ARL9: variants seen among roughly 807,000 people sequenced by gnomAD.
ARL9 encodes the protein ADP-ribosylation factor-like protein 9.
In ARL9, 14 loss-of-function variants were observed where a neutral mutation model predicts 27.0. The observed-to-expected ratio is 0.52, with a 90% CI of 0.34 to 0.81. ARL9 has a LOEUF of 0.81. Among genes scored for constraint, ARL9 ranks in the 30% least tolerant of loss-of-function variants. ARL9 has a pLI of 0.01. For missense variants in ARL9, 294 were observed against 290.0 expected, an observed-to-expected ratio of 1.01 and a Z score of -0.10; for synonymous variants, 106 against 108.7, an observed-to-expected ratio of 0.98 and a Z score of 0.15.
At chr4:56,518,929 AG>A (rs1412135859) in intron 3 of ARL9, 76 bp downstream of exon 3, 12 of 1,321,292 alleles carry the variant, frequency 9.1e-6, no homozygotes, top group Non-Finnish European at 1.3e-5. Flanking sequence ...ATACCTAGAT[AG>A]TCAACAATAT....
rs58800903 is a variant in ARL9 at position 56,506,244 on chromosome 4, G to C, written c.279+103G>C. On this transcript the variant is annotated intron_variant, in intron 1 of 3. Transcript: ENST00000640821. ...GTCGGAGGCCCCCGACCGCGTGGGA[G>C]CGAATGGATCTCAACTGAGGGCTAT... 5.0e-4 allele frequency: 567 copies of C among 1,127,972 alleles called. 5 individuals carry two copies. The African/African-American group carries it at 8.5e-3, about 17-fold the overall frequency. The allele number at this position is 1,127,972 out of a possible 1,614,324, so 69.9% of individuals were successfully genotyped here. A position where few individuals can be genotyped will look rare whatever the true frequency, so the allele number is the denominator to read the frequency against.
intron 3 of ARL9, among the ~76,000 whole-genome samples, chr4:56,523,213 C>T (rs865862008): frequency 6.6e-6 from 1 of 152,108 alleles, no homozygotes; most frequent in Non-Finnish European, 1.5e-5. Flanking sequence ...TAGCAAGATG[C>T]TCCTCTTTAC....
chr4:56,507,956 A>T (rs913837778), intron 1 of ARL9, among the ~76,000 whole-genome samples: 1 of 137,442 alleles, frequency 7.3e-6, no homozygotes, highest in African/African-American at 2.8e-5. Flanking sequence ...ACAGAGAGAG[A>T]TTCTGTATCA....
intron 3 of ARL9, among the ~76,000 whole-genome samples, chr4:56,522,318 G>C (rs561582008): frequency 6.6e-6 from 1 of 152,092 alleles, no homozygotes; most frequent in East Asian, 2.0e-4. Flanking sequence ...CTACTTGGGA[G>C]GCTGAGGCAG....
rs1165231469 is a variant in ARL9 at position 56,506,804 on chromosome 4, G to A, written c.279+663G>A. On this transcript the variant is annotated intron_variant, in intron 1 of 3. Coordinates refer to ENST00000640821, the MANE Select transcript of ARL9 (RefSeq NM_001363794.2). ...AACACAGTTGTGTGTGTGTGTGTGT[G>A]TGTGTGTGTGTGTGTGTGTGTGTGT... 33 of 268,072 alleles carry A rather than the reference G, an allele frequency of 1.2e-4. 3 individuals are homozygous for A. Among genetic ancestry groups the A allele is most frequent in the Admixed American group, 3.9e-4 (6 of 15,336 alleles). 16.6% of individuals were successfully genotyped at this position (268,072 alleles called of 1,614,324 possible). A position where few individuals can be genotyped will look rare whatever the true frequency, so the allele number is the denominator to read the frequency against.
At chr4:56,521,165 C>T (rs1439767964) in intron 3 of ARL9, among the ~76,000 whole-genome samples, 1 of 149,718 alleles carries the variant, frequency 6.7e-6, no homozygotes, top group East Asian at 2.0e-4. Context: ...GAGCCGAGGT[C>T]GTGCCACTGC....
chr4:56,521,068 A>C (rs1043940527), intron 3 of ARL9, among the ~76,000 whole-genome samples: 2 of 151,966 alleles, frequency 1.3e-5, no homozygotes, highest in Non-Finnish European at 2.9e-5. Context: ...AAAATTAGCC[A>C]GGCGTGGTGG....
chr4:56,506,239 T>C (rs57245446), intron 1 of ARL9, 98 bp downstream of exon 1: 103,764 of 1,142,666 alleles, frequency 0.091, 5,765 homozygotes, highest in African/African-American at 0.22. Context: ...CCCGACCGCG[T>C]GGGAGCGAAT....
rs147540000 is a variant in ARL9 at position 56,506,560 on chromosome 4, C to T, written c.279+419C>T. On this transcript the variant is annotated intron_variant, in intron 1 of 3. Transcript: ENST00000640821. ...TCTTTGCATTGAATGCGTTCTTTGTCAGAAGGGGCAGGGTTCCTGAACGCA... is the reference window on the plus strand; with the variant it reads ...TCTTTGCATTGAATGCGTTCTTTGTTAGAAGGGGCAGGGTTCCTGAACGCA... The T allele has an allele frequency of 3.8e-5, 36 of 947,040 alleles. 1 individual carries two copies. Among genetic ancestry groups the T allele is most frequent in the Middle Eastern group, 5.4e-4 (1 of 1,854 alleles). 58.7% of individuals were successfully genotyped at this position (947,040 alleles called of 1,614,324 possible).
intron 1 of ARL9, among the ~76,000 whole-genome samples, chr4:56,510,354 C>CAAAAAAAAAAAAAA (rs769085578): frequency 2.7e-5 from 2 of 75,138 alleles, no homozygotes; most frequent in Admixed American, 3.1e-4. Flanking sequence ...GACTCCAACT[C>CAAAAAAAAAAAAAA]AAAAAAAAAA....
Position 56,506,088 on chromosome 4 carries a change from G to C in ARL9, c.226G>C (p.Glu76Gln), listed in dbSNP as rs1457135068. The change falls in exon 1 of 4, where the codon GAG becomes CAG. Residue 76 changes from glutamate (E) to glutamine (Q), a missense_variant. Coordinates refer to ENST00000640821, the MANE Select transcript of ARL9 (RefSeq NM_001363794.2). ...GAAGGAACAATTTAAGGGACAAGAA[G>C]AGAAAGGGGAGAACAAGGACAGCAC... Reference protein sequence around the residue: ...KEKEQFKGQEEKGENKDSTLT... With the variant: ...KEKEQFKGQEQKGENKDSTLT... 1.6e-6 allele frequency: 2 copies of C among 1,234,500 alleles called. No homozygotes were observed. Among genetic ancestry groups the C allele is most frequent in the Non-Finnish European group, 2.0e-6 (2 of 989,762 alleles). 76.5% of individuals were successfully genotyped at this position (1,234,500 alleles called of 1,614,324 possible). A position where few individuals can be genotyped will look rare whatever the true frequency, so the allele number is the denominator to read the frequency against.
In ARL9 at chr4:56,516,188, TC is replaced by T. The variant is rs58722875; in HGVS notation, c.443-2488del. 2.2e-3 allele frequency among the ~76,000 whole-genome samples: 340 copies of T among 152,296 alleles called. 3 individuals carry two copies. The highest frequency in any genetic ancestry group is 8.0e-3 in the African/African-American group (332 of 41,566). On this transcript the variant is annotated intron_variant, in intron 2 of 3. Coordinates refer to ENST00000640821, the MANE Select transcript of ARL9 (RefSeq NM_001363794.2). ...ACATGGAATAAAGATGAAATTAGTTTCCTGCCTCCTATGCATACAAATGTAT... is the reference window on the plus strand; with the variant it reads ...ACATGGAATAAAGATGAAATTAGTTTCTGCCTCCTATGCATACAAATGTAT...
intron 2 of ARL9, among the ~76,000 whole-genome samples, chr4:56,513,406 A>T (rs1392535911): frequency 6.6e-6 from 1 of 152,240 alleles, no homozygotes; most frequent in African/African-American, 2.4e-5. Flanking sequence ...TCTCTAAAAA[A>T]TTCTTGTAGT....
chr4:56,513,073 T>C (rs2110147400), intron 2 of ARL9, among the ~76,000 whole-genome samples: 1 of 152,342 alleles, frequency 6.6e-6, no homozygotes, highest in East Asian at 1.9e-4. Flanking sequence ...TGATCATCAA[T>C]ATCCTGAAAA....
intron 2 of ARL9, among the ~76,000 whole-genome samples, chr4:56,515,208 T>G (rs1721736859): frequency 6.6e-6 from 1 of 151,032 alleles, no homozygotes; most frequent in Non-Finnish European, 1.5e-5. Flanking sequence ...GGGCTGAGAT[T>G]GTGCCACTGC....
chr4:56,520,244 C>G (rs769579178), intron 3 of ARL9, among the ~76,000 whole-genome samples: 1 of 152,168 alleles, frequency 6.6e-6, no homozygotes, highest in Admixed American at 6.5e-5. Flanking sequence ...CTCAAGTGAT[C>G]CACCCACCTG....
chr4:56,505,759 T>C, upstream of ARL9: 1 of 1,389,148 alleles, frequency 7.2e-7, no homozygotes, highest in Non-Finnish European at 9.3e-7. Flanking sequence ...CCGCGGGGCC[T>C]ACGTCTCTGT....
intron 2 of ARL9, among the ~76,000 whole-genome samples, chr4:56,515,028 C>T (rs1160605734): frequency 1.3e-5 from 2 of 152,052 alleles, no homozygotes; most frequent in African/African-American, 4.8e-5. Flanking sequence ...GGGGGCGGAT[C>T]ACTCACCTAA....
In ARL9 at chr4:56,509,210, G is replaced by GTTT. The variant is rs56840959; in HGVS notation, c.280-1965_280-1963dup. 3.0e-3 allele frequency among the ~76,000 whole-genome samples: 407 copies of GTTT among 137,432 alleles called. 4 individuals carry two copies. The highest frequency in any genetic ancestry group is 8.4e-3 in the African/African-American group (310 of 36,932). 90.2% of individuals were successfully genotyped at this position (137,432 alleles called of 152,430 possible). A position where few individuals can be genotyped will look rare whatever the true frequency, so the allele number is the denominator to read the frequency against. ...TTTTCTTTTTCTTTTTCTTTTTTTT[G>GTTT]TTTTTTTTTTTTGGGATGGAGTCTG... is the stretch of plus-strand genomic sequence containing the variant. On this transcript the variant is annotated intron_variant, in intron 1 of 3. Transcript: ENST00000640821.
Sources: gnomAD v4.1 joint callset for allele counts (sites outside exome capture counted in the v4.1 genomes callset) on GRCh38, gnomAD v4.1.1 for gene constraint, MANE v1.5 for transcripts, NCBI Gene and HGNC (gene_info 2026-07-23, HGNC 2026-07-21) for gene names.